The following TCF3 variants were observed in gnomAD, a reference collection of about 807,000 sequenced individuals.
TCF3 encodes transcription factor 3, also known as transcription factor E2-alpha.
TCF3 carries 54 observed loss-of-function variants against 72.3 expected under a neutral mutation model. That is an observed-to-expected ratio of 0.75 (90% confidence interval 0.60 to 0.94). The LOEUF (loss-of-function observed/expected upper bound fraction) is 0.94. Among genes scored for constraint, TCF3 ranks in the 40% least tolerant of loss-of-function variants. The pLI is 0.00. For missense variants in TCF3, 1,078 were observed against 934.4 expected (o/e 1.15, Z -2.00); for synonymous variants, 525 against 412.6 (o/e 1.27, Z -3.30).
At position 1,632,388 on chromosome 19, in the gene TCF3, T is replaced by C. The variant is rs2063816011; in HGVS notation, c.163A>G (p.Ser55Gly). Residue 55 changes from serine to glycine, a missense_variant, in exon 4 of 19, where the codon AGC (serine) becomes GGC (glycine). Coordinates refer to ENST00000262965, the MANE Select transcript of TCF3 (RefSeq NM_003200.5). ...FGGSGLEDRP[S>G]SGSWGSGDQS... ...TCGCCGCTGCCCCAGGAGCCTGAGC[T>C]GGGCCGGTCCTCAAGACCTGCAGGC... 1 of 1,596,024 alleles carries C rather than the reference T, an allele frequency of 6.3e-7. No individual in the cohort carries two copies. Among genetic ancestry groups the C allele is most frequent in the Non-Finnish European group, 8.5e-7 (1 of 1,171,890 alleles).
At chr19:1,635,855 C>T (rs931795436) in intron 3 of TCF3, among the ~76,000 whole-genome samples, 3 of 152,204 alleles carry the variant, frequency 2.0e-5, no homozygotes, top group Non-Finnish European at 4.4e-5. Context: ...GTCTAAAAAC[C>T]AATTAACACC....
intron 16 of TCF3, among the ~76,000 whole-genome samples, chr19:1,617,052 A>C (rs975795509): frequency 1.3e-5 from 2 of 152,230 alleles, no homozygotes; most frequent in African/African-American, 4.8e-5. Flanking sequence ...TCAGCACATC[A>C]AGAGATTAAG....
intron 7 of TCF3, among the ~76,000 whole-genome samples, chr19:1,624,691 A>G (rs1322940742): frequency 6.6e-6 from 1 of 152,108 alleles, no homozygotes; most frequent in Non-Finnish European, 1.5e-5. Flanking sequence ...CTTCCTGATC[A>G]CTCACGGACG....
intron 18 of TCF3, 67 bp from the exon 19 acceptor site, chr19:1,611,916 G>C (rs553466857): frequency 3.1e-5 from 15 of 487,154 alleles, no homozygotes; most frequent in South Asian, 4.9e-5. Context: ...AGGTGGGAGT[G>C]GGGGGTAGGA....
intron 16 of TCF3, among the ~76,000 whole-genome samples, chr19:1,618,185 G>A (rs1009961199): frequency 6.6e-5 from 10 of 151,920 alleles, no homozygotes; most frequent in Admixed American, 1.3e-4. Context: ...CCCACAGCTC[G>A]GGCCAGAAAT....
intron 5 of TCF3, among the ~76,000 whole-genome samples, chr19:1,631,541 T>C (rs2063715645): frequency 6.6e-6 from 1 of 151,990 alleles, no homozygotes; most frequent in South Asian, 2.1e-4. Context: ...AGTGCTGGTA[T>C]TACAGGCGTG....
chr19:1,611,931 G>GGT (rs995520202), intron 18 of TCF3, 82 bp from the exon 19 acceptor site: 2 of 80,586 alleles, frequency 2.5e-5, no homozygotes, highest in Non-Finnish European at 5.0e-5. Flanking sequence ...GTAGGATGTC[G>GGT]GGGGGGGGGG....
intron 3 of TCF3, among the ~76,000 whole-genome samples, chr19:1,634,203 A>T (rs1204972866): frequency 6.6e-6 from 1 of 152,218 alleles, no homozygotes; most frequent in Non-Finnish European, 1.5e-5. Flanking sequence ...ACATTAATAC[A>T]GTTATTAAAA....
At chr19:1,651,755 C>A (rs2067111652) in intron 1 of TCF3, among the ~76,000 whole-genome samples, 1 of 151,804 alleles carries the variant, frequency 6.6e-6, no homozygotes, top group Non-Finnish European at 1.5e-5. Context: ...GCAGCGCGGC[C>A]GCCGCCTCGC....
rs2064760795 is a variant in TCF3 at position 1,638,369 on chromosome 19, T to G, written c.146-5964A>C. Among the ~76,000 whole-genome samples, 5 of 152,342 alleles carry G rather than the reference T, an allele frequency of 3.3e-5. No homozygotes were observed. In the South Asian group the frequency reaches 1.0e-3, roughly 32 times the overall value. ...TGAACAGATACAATGTTTTTTTGTTTTTTTTGTTTGTTTGTTTGAGACTGA... is the reference window on the plus strand; with the variant it reads ...TGAACAGATACAATGTTTTTTTGTTGTTTTTGTTTGTTTGTTTGAGACTGA... On this transcript the variant is annotated intron_variant, in intron 3 of 18. Transcript: ENST00000262965.
At chr19:1,621,273 C>A (rs2062171181) in intron 11 of TCF3, 82 bp from the exon 12 acceptor site, 1 of 1,454,286 alleles carries the variant, frequency 6.9e-7, no homozygotes, top group Non-Finnish European at 9.2e-7. Context: ...TTCTGCCGTC[C>A]TGCACAGACA....
At chr19:1,621,243 C>A (rs528268661) in intron 11 of TCF3, 52 bp from the exon 12 acceptor site, 1 of 1,515,764 alleles carries the variant, frequency 6.6e-7, no homozygotes, top group Admixed American at 2.0e-5. Flanking sequence ...GTGCTGCCGC[C>A]GACGGCAAGC....
chr19:1,642,037 C>G (rs1039006061), intron 3 of TCF3, among the ~76,000 whole-genome samples: 13 of 151,510 alleles, frequency 8.6e-5, no homozygotes, highest in Non-Finnish European at 2.9e-5. Flanking sequence ...AGAGTGAGAC[C>G]TGGTCCCTAA....
At chr19:1,652,212 C>T (rs868683075) in intron 1 of TCF3, 88 bp downstream of exon 1, 2 of 148,296 alleles carry the variant, frequency 1.3e-5, no homozygotes, top group African/African-American at 4.9e-5. Context: ...GCGCCCCCCC[C>T]CAACAAGCGC....
Position 1,612,306 on chromosome 19 carries a change from T to C in TCF3, c.1823-457A>G. The C allele has an allele frequency of 6.2e-7, 1 of 1,613,878 alleles. No homozygotes were observed. The highest frequency in any genetic ancestry group is 8.5e-7 in the Non-Finnish European group (1 of 1,179,862). ...TCCGACTTGAGGTGCATCTGGCACA[T>C]GCGCCCCAGCTCCCGGAAGGCCTCG... On this transcript the variant is annotated intron_variant, in intron 18 of 18. Transcript: ENST00000262965.
rs2061421975 is a variant in TCF3 at position 1,615,149 on chromosome 19, G to A, written c.1822+136C>T. On this transcript the variant is annotated intron_variant, in intron 18 of 18. Coordinates refer to ENST00000262965, the MANE Select transcript of TCF3 (RefSeq NM_003200.5). The surrounding 1 kb of genome is among the most constrained non-coding windows in gnomAD (Gnocchi z 7.3). ...GGCAATGCGGTCAGAGGGGTGAAGG[G>A]CACAGTCACTGCAAGGAGGCAACTG... 4 of 1,054,728 alleles carry A rather than the reference G, an allele frequency of 3.8e-6. No individual in the cohort carries two copies. The highest frequency in any genetic ancestry group is 1.6e-5 in the African/African-American group (1 of 62,062). 65.3% of individuals were successfully genotyped at this position (1,054,728 alleles called of 1,614,324 possible).
rs1020786299 is a variant in TCF3 at position 1,610,908 on chromosome 19, T to C, written c.*799A>G. On this transcript the variant is annotated 3_prime_UTR_variant, in exon 19 of 19. Coordinates refer to ENST00000262965, the MANE Select transcript of TCF3 (RefSeq NM_003200.5). ...ACCCGCCGCCTGTCCCCGTTCTGTC[T>C]GTGTGCAGTGGCTTCCGGGGGGGGG... 1.7e-5 allele frequency: 2 copies of C among 116,418 alleles called. No individual in the cohort carries two copies. The highest frequency in any genetic ancestry group is 7.0e-5 in the African/African-American group (2 of 28,612). 7.2% of individuals were successfully genotyped at this position (116,418 alleles called of 1,614,324 possible). A position where few individuals can be genotyped will look rare whatever the true frequency, so the allele number is the denominator to read the frequency against.
At chr19:1,644,111 G>C (rs1309872245) in intron 3 of TCF3, among the ~76,000 whole-genome samples, 2 of 152,268 alleles carry the variant, frequency 1.3e-5, no homozygotes, top group Non-Finnish European at 2.9e-5. Context: ...GGTCCTCGGA[G>C]AGGAGAAGCA....
At chr19:1,638,952 G>A (rs971037546) in intron 3 of TCF3, among the ~76,000 whole-genome samples, 6 of 152,214 alleles carry the variant, frequency 3.9e-5, no homozygotes, top group African/African-American at 9.6e-5. Flanking sequence ...TGAAACAAGC[G>A]ACTCAGGAGA....
Sources: gnomAD v4.1 joint callset for allele counts (sites outside exome capture counted in the v4.1 genomes callset) on GRCh38, gnomAD v4.1.1 for gene constraint, Gnocchi (gnomAD v3.1) non-coding constraint, MANE v1.5 for transcripts, NCBI Gene and HGNC (gene_info 2026-07-23, HGNC 2026-07-21) for gene names.